The following DCDC2 variants were observed in gnomAD, a reference collection of about 807,000 sequenced individuals.
The protein encoded by DCDC2 is doublecortin domain-containing protein 2.
A neutral mutation model predicts 50.2 loss-of-function variants in DCDC2; 40 were observed. That is an observed-to-expected ratio of 0.80 (90% CI 0.62 to 1.04). DCDC2 has a LOEUF of 1.04. DCDC2 is among the 50% of genes least tolerant of loss of function. The pLI, the probability that DCDC2 is intolerant of heterozygous loss-of-function variation, is 0.00. For synonymous variants in DCDC2, 234 were observed against 210.6 expected (o/e 1.11, Z -0.96); for missense variants, 570 against 581.9 (o/e 0.98, Z 0.21).
chr6:24,312,529 C>T (rs1014333365), intron 2 of DCDC2, among the ~76,000 whole-genome samples: 4 of 152,058 alleles, frequency 2.6e-5, no homozygotes, highest in Non-Finnish European at 4.4e-5. Flanking sequence ...TTAATTATAA[C>T]GAACAAGCTG....
Position 24,297,703 on chromosome 6 carries a change from T to A in DCDC2, c.557+4012A>T, listed in dbSNP as rs917739491. Among the ~76,000 whole-genome samples the A allele has an allele frequency of 3.3e-5, 5 of 151,838 alleles. No homozygotes were observed. The East Asian group carries it at 9.6e-4, about 29-fold the overall frequency. On this transcript the variant is annotated intron_variant, in intron 4 of 9. Coordinates refer to ENST00000378454, the MANE Select transcript of DCDC2 (RefSeq NM_016356.5). ...ATATGTCAAATGTCAAAATTATATA[T>A]GTAAAAAAAATTGTAATTATTGAGA...
intron 7 of DCDC2, among the ~76,000 whole-genome samples, chr6:24,212,706 C>G (rs532660746): frequency 3.1e-4 from 47 of 152,254 alleles, no homozygotes; most frequent in African/African-American, 1.1e-3. Flanking sequence ...ATCTTTTTTT[C>G]TTTGAACGTG....
At chr6:24,329,129 G>GAT (rs1475945026) in intron 2 of DCDC2, among the ~76,000 whole-genome samples, 2 of 152,166 alleles carry the variant, frequency 1.3e-5, no homozygotes, top group African/African-American at 2.4e-5. Context: ...GGTAAAAAAT[G>GAT]ATGAGCCCTC....
At chr6:24,321,829 A>G (rs1012624572) in intron 2 of DCDC2, among the ~76,000 whole-genome samples, 20 of 152,238 alleles carry the variant, frequency 1.3e-4, no homozygotes, top group African/African-American at 4.8e-4. Flanking sequence ...ATAAAAACAA[A>G]TTAGCTAATA....
At chr6:24,207,256 T>TTCTCTCTCTCTCTCTC (rs60603298) in intron 7 of DCDC2, among the ~76,000 whole-genome samples, 1,646 of 129,576 alleles carry the variant, frequency 0.013, 20 homozygotes, top group East Asian at 0.036. Context: ...CCATCTATCT[T>TTCTCTCTCTCTCTCTC]TCTCTCTCTC....
intron 7 of DCDC2, among the ~76,000 whole-genome samples, chr6:24,256,047 C>T (rs1316981790): frequency 6.6e-6 from 1 of 152,144 alleles, no homozygotes; most frequent in Non-Finnish European, 1.5e-5. Flanking sequence ...GAATCCCATG[C>T]TGCTATATAA....
At chr6:24,375,503 T>A in the DCDC2 span, among the ~76,000 whole-genome samples, 1 of 152,114 alleles carries the variant, frequency 6.6e-6, no homozygotes, top group Non-Finnish European at 1.5e-5. Context: ...ATATATATAG[T>A]CATAAATATT....
intron 2 of DCDC2, among the ~76,000 whole-genome samples, chr6:24,347,162 T>C (rs373088257): frequency 2.6e-5 from 4 of 152,202 alleles, no homozygotes; most frequent in African/African-American, 7.2e-5. Context: ...ATCCTCTGAC[T>C]CATTATCAAT....
the DCDC2 span, among the ~76,000 whole-genome samples, chr6:24,382,111 C>A: frequency 6.6e-6 from 1 of 152,072 alleles, no homozygotes; most frequent in African/African-American, 2.4e-5. Context: ...AAGCTAAGCT[C>A]AAAATCCTTT....
At chr6:24,304,805 T>C (rs1287597502) in intron 2 of DCDC2, among the ~76,000 whole-genome samples, 1 of 152,216 alleles carries the variant, frequency 6.6e-6, no homozygotes. Context: ...GAGGGTTATA[T>C]CATTTTTTTT....
intron 2 of DCDC2, among the ~76,000 whole-genome samples, chr6:24,344,318 T>C (rs1272194988): frequency 1.3e-5 from 2 of 152,244 alleles, no homozygotes; most frequent in African/African-American, 4.8e-5. Context: ...AGTGGTATTT[T>C]ACACATATTT....
intron 4 of DCDC2, among the ~76,000 whole-genome samples, chr6:24,291,500 T>C (rs1190859499): frequency 7.8e-6 from 1 of 128,446 alleles, no homozygotes; most frequent in East Asian, 2.1e-4. Flanking sequence ...TTTTTTTTTT[T>C]TTTGAGACGG....
chr6:24,183,302 TTATGAG>T (rs1176309813), intron 8 of DCDC2, among the ~76,000 whole-genome samples: 2 of 152,198 alleles, frequency 1.3e-5, no homozygotes, highest in Non-Finnish European at 2.9e-5. Flanking sequence ...AAATATGCCA[TTATGAG>T]TATATTACCA....
intron 8 of DCDC2, among the ~76,000 whole-genome samples, chr6:24,193,494 G>A (rs1200629560): frequency 6.6e-6 from 1 of 152,140 alleles, no homozygotes; most frequent in Non-Finnish European, 1.5e-5. Flanking sequence ...GTATCAAGAG[G>A]ACAGTAAGTT....
At position 24,251,593 on chromosome 6, in the gene DCDC2, C is replaced by T. The variant is rs533037583; in HGVS notation, c.922+26456G>A. Among the ~76,000 whole-genome samples, 19 of 152,314 alleles carry T rather than the reference C, an allele frequency of 1.2e-4. No individual in the cohort carries two copies. In the South Asian group the frequency reaches 3.7e-3, roughly 30 times the overall value. ...AGTCTGCCTAAGCTAAATCTCACCT[C>T]TGCACCATGGCTTCAGCTCTCTGGT... On this transcript the variant is annotated intron_variant, in intron 7 of 9. Coordinates refer to ENST00000378454, the MANE Select transcript of DCDC2 (RefSeq NM_016356.5).
At chr6:24,275,938 T>C (rs1352876501) in intron 7 of DCDC2, among the ~76,000 whole-genome samples, 1 of 143,754 alleles carries the variant, frequency 7.0e-6, no homozygotes, top group Non-Finnish European at 1.5e-5. Context: ...GACACGATCA[T>C]GGCTCACTGC....
chr6:24,282,697 C>T lies in DCDC2; in HGVS notation c.760-4486G>A, dbSNP rs1486720765. On this transcript the variant is annotated intron_variant, in intron 6 of 9. Coordinates refer to ENST00000378454, the MANE Select transcript of DCDC2 (RefSeq NM_016356.5). ...AAAAACATCAAATTTAAAATAATTT[C>T]GTGAGAGGTTTGCCTCAGTGAGCAG... 8.5e-5 allele frequency among the ~76,000 whole-genome samples: 12 copies of T among 140,670 alleles called. 1 individual carries two copies. The highest frequency in any genetic ancestry group is 7.9e-4 in the Admixed American group (10 of 12,664). 92.3% of individuals were successfully genotyped at this position (140,670 alleles called of 152,430 possible).
chr6:24,301,673 C>G, intron 4 of DCDC2, 42 bp downstream of exon 4: 1 of 1,605,548 alleles, frequency 6.2e-7, no homozygotes, highest in Non-Finnish European at 8.5e-7. Flanking sequence ...ATATCTTCAA[C>G]AATTCAAAAA....
intron 7 of DCDC2, among the ~76,000 whole-genome samples, chr6:24,255,219 T>C (rs989280161): frequency 6.6e-6 from 1 of 151,986 alleles, no homozygotes; most frequent in Non-Finnish European, 1.5e-5. Context: ...GGGAGTATTG[T>C]GGCATTTTCA....
Sources: allele counts gnomAD v4.1 joint callset (sites outside exome capture counted in the v4.1 genomes callset), GRCh38; gene constraint gnomAD v4.1.1; transcripts MANE v1.5; gene names NCBI Gene and HGNC (gene_info 2026-07-23, HGNC 2026-07-21).